TTC19: variants seen among roughly 807,000 people sequenced by gnomAD.
The protein encoded by TTC19 is tetratricopeptide repeat protein 19, mitochondrial.
In TTC19, 38 loss-of-function variants were observed where a neutral mutation model predicts 49.5. The observed-to-expected ratio is 0.77, with a 90% confidence interval of 0.59 to 1.01. TTC19 has a LOEUF of 1.01. TTC19 is among the 50% of genes least tolerant of loss of function. The pLI, the probability that TTC19 is intolerant of heterozygous loss-of-function variation, is 0.00. For missense variants in TTC19, 475 were observed against 477.7 expected, an observed-to-expected ratio of 0.99 and a Z score of 0.05; for synonymous variants, 204 against 185.2, an observed-to-expected ratio of 1.10 and a Z score of -0.83.
chr17:16,043,548 G>A (rs2058117897), intron 2 of TTC19, among the ~76,000 whole-genome samples: 1 of 152,216 alleles, frequency 6.6e-6, no homozygotes, highest in South Asian at 2.1e-4. Flanking sequence ...ACCCAACATA[G>A]TACGCTACTG....
intron 7 of TTC19, among the ~76,000 whole-genome samples, chr17:16,021,677 T>C (rs1427379290): frequency 6.6e-6 from 1 of 152,156 alleles, no homozygotes; most frequent in African/African-American, 2.4e-5. Flanking sequence ...TACAAGACTC[T>C]GAGGTGGTGT....
At chr17:16,024,880 G>T in intron 7 of TTC19, 137 bp from the exon 8 acceptor site, 1 of 796,116 alleles carries the variant, frequency 1.3e-6, no homozygotes. Flanking sequence ...CAGCTAGTCT[G>T]GAATAGGTCA....
At chr17:16,036,882 T>C (rs927658700) in intron 2 of TTC19, among the ~76,000 whole-genome samples, 4 of 152,270 alleles carry the variant, frequency 2.6e-5, no homozygotes, top group Non-Finnish European at 2.9e-5. Flanking sequence ...AATAGCACTT[T>C]CAATTTCCTT....
chr17:16,040,309 A>G, intron 2 of TTC19: 1 of 794,640 alleles, frequency 1.3e-6, no homozygotes, highest in Non-Finnish European at 2.2e-6. Context: ...TTCCTTCACT[A>G]AATTATTTAT....
chr17:16,035,595 G>A (rs1974272528), intron 2 of TTC19, among the ~76,000 whole-genome samples: 1 of 149,354 alleles, frequency 6.7e-6, no homozygotes, highest in Admixed American at 6.7e-5. Flanking sequence ...CACTGCAGTG[G>A]CACAATCACG....
At chr17:16,043,337 T>C (rs2058078730) in intron 2 of TTC19, among the ~76,000 whole-genome samples, 1 of 152,158 alleles carries the variant, frequency 6.6e-6, no homozygotes, top group African/African-American at 2.4e-5. Context: ...TGTGCCATGG[T>C]GGGCCCAGGA....
At chr17:16,018,770 AATGCTGGCATTAC>A (rs1350839337) in intron 7 of TTC19, among the ~76,000 whole-genome samples, 4 of 152,062 alleles carry the variant, frequency 2.6e-5, no homozygotes, top group Non-Finnish European at 5.9e-5. Context: ...GACCTCCCAA[AATGCTGGCATTAC>A]AGGCATGAGG....
At chr17:16,026,833 T>C (rs564898134) in intron 9 of TTC19, 131 bp downstream of exon 9, 3 of 982,252 alleles carry the variant, frequency 3.1e-6, no homozygotes, top group East Asian at 5.2e-5. Context: ...ACTGGTTGAA[T>C]GGCAGAAAAA....
intron 7 of TTC19, among the ~76,000 whole-genome samples, chr17:16,017,974 C>T (rs1373944288): frequency 6.6e-6 from 1 of 152,116 alleles, no homozygotes; most frequent in Non-Finnish European, 1.5e-5. Flanking sequence ...TTCTTAAAGA[C>T]AGTTGACTCA....
chr17:16,035,455 C>T (rs1184700125), intron 2 of TTC19, among the ~76,000 whole-genome samples: 1 of 151,804 alleles, frequency 6.6e-6, no homozygotes, highest in African/African-American at 2.4e-5. Context: ...AGCAACTCCT[C>T]ATCCATTTCA....
intron 7 of TTC19, among the ~76,000 whole-genome samples, chr17:16,008,622 A>C (rs1422555022): frequency 6.6e-6 from 1 of 151,866 alleles, no homozygotes; most frequent in African/African-American, 2.4e-5. Flanking sequence ...GGGCCCACCC[A>C]CCTCTTCCAT....
intron 7 of TTC19, among the ~76,000 whole-genome samples, chr17:16,015,211 G>A (rs924882947): frequency 6.6e-6 from 1 of 152,210 alleles, no homozygotes; most frequent in Non-Finnish European, 1.5e-5. Flanking sequence ...TGCAGAGTCT[G>A]TGATGCCAGA....
chr17:16,036,794 T>C (rs2056472678), intron 2 of TTC19, among the ~76,000 whole-genome samples: 1 of 152,222 alleles, frequency 6.6e-6, no homozygotes, highest in African/African-American at 2.4e-5. Flanking sequence ...GCTGGTTTGG[T>C]CTTCTATCCA....
intron 7 of TTC19, among the ~76,000 whole-genome samples, chr17:16,010,854 T>C (rs1255487591): frequency 1.3e-5 from 2 of 152,248 alleles, no homozygotes; most frequent in African/African-American, 4.8e-5. Flanking sequence ...TCCTAGTTCA[T>C]TATTTTCAGA....
Position 16,015,872 on chromosome 17 carries a change from G to A in TTC19, c.677-9145G>A, listed in dbSNP as rs371231850. ...CTAATCTTATTTATTATATGATTTG[G>A]CACCTATATTTTACTATTATCAATT... On this transcript the variant is annotated intron_variant, in intron 7 of 9. Transcript: ENST00000261647. Among the ~76,000 whole-genome samples the A allele has an allele frequency of 2.8e-4, 42 of 152,120 alleles. No homozygotes were observed. The South Asian group carries it at 8.7e-3, about 32-fold the overall frequency.
chr17:16,000,303 C>T, intron 2 of TTC19, 58 bp downstream of exon 2: 1 of 1,583,332 alleles, frequency 6.3e-7, no homozygotes, highest in Non-Finnish European at 8.5e-7. Context: ...TGAGCGGGGT[C>T]TTGGCGTTGC....
At chr17:16,044,840 G>A in exon 3 of TTC19, 1 of 1,028,350 alleles carries the variant, frequency 9.7e-7, no homozygotes, top group East Asian at 2.4e-5. Context: ...AGCAGCTGGT[G>A]CTGCACCAGT....
intron 8 of TTC19, 84 bp downstream of exon 8, chr17:16,025,255 A>G: frequency 6.9e-7 from 1 of 1,440,804 alleles, no homozygotes; most frequent in South Asian, 1.2e-5. Flanking sequence ...CATTGGTAAC[A>G]GGATCAGCAG....
In TTC19 at chr17:16,043,223, A is replaced by G. The variant is rs143377248; in HGVS notation, c.248-1280A>G. Among the ~76,000 whole-genome samples the G allele has an allele frequency of 2.6e-3, 396 of 152,318 alleles. 3 individuals carry two copies. The highest frequency in any genetic ancestry group is 9.0e-3 in the African/African-American group (374 of 41,572). ...TTACAGTTTTCAAAAAAATAAAGTC[A>G]CTGATGTCCTTGGGAACACTGGATT... is the stretch of plus-strand genomic sequence containing the variant. On this transcript the variant is annotated intron_variant, in intron 2 of 2. Coordinates refer to the TTC19 transcript ENST00000470649.
Sources: allele counts gnomAD v4.1 joint callset (sites outside exome capture counted in the v4.1 genomes callset), GRCh38; gene constraint gnomAD v4.1.1; transcripts MANE v1.5; gene names NCBI Gene and HGNC (gene_info 2026-07-23, HGNC 2026-07-21).